The following SLC16A2 variants were observed in gnomAD, a reference collection of about 807,000 sequenced individuals.
SLC16A2 encodes monocarboxylate transporter 8.
SLC16A2 carries 3 observed loss-of-function variants against 27.2 expected under a neutral mutation model. That is an observed-to-expected ratio of 0.11 (90% CI 0.05 to 0.28). The LOEUF (loss-of-function observed/expected upper bound fraction) is 0.28, where lower values mean the gene tolerates loss of function less well. SLC16A2 is among the 10% of genes least tolerant of loss of function. The probability of loss-of-function intolerance (pLI) is 1.00; values close to 1 mark genes in which losing one functional copy is unlikely to be tolerated. For synonymous variants in SLC16A2, 202 were observed against 187.8 expected (o/e 1.08, Z -0.62); for missense variants, 295 against 458.5 (o/e 0.64, Z 3.26).
intron 1 of SLC16A2, among the ~76,000 whole-genome samples, chrX:74,440,522 CTTTT>C (rs34468845): frequency 2.9e-5 from 2 of 70,003 alleles, no homozygotes; most frequent in African/African-American, 6.2e-5. Context: ...ATATAAATTC[CTTTT>C]TTTTTTTTTT....
rs750947071 is a variant in SLC16A2 at position 74,463,265 on chromosome X, G to A, written c.430+41198G>A. Among the ~76,000 whole-genome samples the A allele has an allele frequency of 4.3e-4, 48 of 111,891 alleles. 1 individual carries two copies. The South Asian group carries it at 4.5e-3, about 10-fold the overall frequency. On this transcript the variant is annotated intron_variant, in intron 1 of 5. Coordinates refer to ENST00000587091, the MANE Select transcript of SLC16A2 (RefSeq NM_006517.5). ...TTCAGTGTAAAATTGCAATTGGAAA[G>A]GAAAGGGGGTTCCATGGATTTAGGA...
At chrX:74,500,604 G>C (rs1030067765) in intron 1 of SLC16A2, among the ~76,000 whole-genome samples, 1 of 111,149 alleles carries the variant, frequency 9.0e-6, no homozygotes. Context: ...TCATGCCTTT[G>C]TATCCTTATC....
chrX:74,468,682 T>C (rs1929297412), intron 1 of SLC16A2, among the ~76,000 whole-genome samples: 1 of 112,073 alleles, frequency 8.9e-6, no homozygotes. Flanking sequence ...AAAAAATATT[T>C]AATTTAATTT....
At chrX:74,523,702 C>T (rs985700503) in intron 2 of SLC16A2, among the ~76,000 whole-genome samples, 2 of 111,757 alleles carry the variant, frequency 1.8e-5, no homozygotes, top group African/African-American at 6.5e-5. Context: ...AAAGGCAGGA[C>T]TCTAAAAGTT....
intron 1 of SLC16A2, among the ~76,000 whole-genome samples, chrX:74,495,735 G>A (rs499857): frequency 7.2e-5 from 8 of 111,132 alleles, no homozygotes; most frequent in East Asian, 2.8e-4. Flanking sequence ...ATGGTTTCTG[G>A]TCTTAATTAC....
intron 1 of SLC16A2, among the ~76,000 whole-genome samples, chrX:74,426,176 A>G (rs1001885992): frequency 2.7e-5 from 3 of 111,739 alleles, no homozygotes; most frequent in Admixed American, 9.5e-5. Flanking sequence ...AGCAAAGTGT[A>G]TTTTGAGCAA....
intron 1 of SLC16A2, among the ~76,000 whole-genome samples, chrX:74,447,322 T>A (rs901566749): frequency 9.0e-6 from 1 of 111,555 alleles, no homozygotes; most frequent in Non-Finnish European, 1.9e-5. Context: ...GCCCACTAAC[T>A]CCCTGTGTGA....
intron 1 of SLC16A2, among the ~76,000 whole-genome samples, chrX:74,507,804 C>T (rs988557318): frequency 1.8e-5 from 2 of 112,088 alleles, no homozygotes; most frequent in Non-Finnish European, 3.8e-5. Context: ...CACAGAAAGT[C>T]AAATACCAAA....
rs1930581193 is a variant in SLC16A2 at position 74,532,216 on chromosome X, T to A, written c.*663T>A. The stretch of plus-strand genomic sequence containing the variant: ...TGTATGACTGTCATAGACACATGGG[T>A]GCTTGAAGAAAGGAGGGACCCGGAA... On this transcript the variant is annotated 3_prime_UTR_variant, in exon 6 of 6. Transcript: ENST00000587091. The A allele has an allele frequency of 8.8e-6, 1 of 114,078 alleles. No individual in the cohort carries two copies. Among genetic ancestry groups the A allele is most frequent in the African/African-American group, 3.3e-5 (1 of 30,499 alleles). 9.4% of individuals were successfully genotyped at this position (114,078 alleles called of 1,213,427 possible). A position where few individuals can be genotyped will look rare whatever the true frequency, so the allele number is the denominator to read the frequency against.
At chrX:74,429,919 T>G (rs968611909) in intron 1 of SLC16A2, among the ~76,000 whole-genome samples, 2 of 111,655 alleles carry the variant, frequency 1.8e-5, no homozygotes, top group African/African-American at 6.5e-5. Context: ...AGAGATGACT[T>G]CTTATAAGCC....
rs909611453 is a variant in SLC16A2, at chrX:74,478,312, C to T, written c.431-42678C>T. Among the ~76,000 whole-genome samples, 6 of 111,180 alleles carry T rather than the reference C, an allele frequency of 5.4e-5. No homozygotes were observed. In the Admixed American group the frequency reaches 5.8e-4, roughly 11 times the overall value. The stretch of plus-strand genomic sequence containing the variant: ...TTATCAGAGACCAGGATTGCAACCC[C>T]TGCCTTTTTTTTGTTTTCCATTTGC... On this transcript the variant is annotated intron_variant, in intron 1 of 5. Transcript: ENST00000587091.
chrX:74,507,923 C>T (rs975810500), intron 1 of SLC16A2, among the ~76,000 whole-genome samples: 1 of 112,014 alleles, frequency 8.9e-6, no homozygotes, highest in African/African-American at 3.2e-5. Flanking sequence ...GATTCAATAT[C>T]TTGGCCGTTG....
chrX:74,501,164 T>C (rs1175189072), intron 1 of SLC16A2, among the ~76,000 whole-genome samples: 4 of 110,693 alleles, frequency 3.6e-5, no homozygotes, highest in Non-Finnish European at 7.6e-5. Context: ...GTTTGAAAGG[T>C]TTTAGTTACC....
chrX:74,496,562 G>T (rs1929940390), intron 1 of SLC16A2, among the ~76,000 whole-genome samples: 1 of 112,076 alleles, frequency 8.9e-6, no homozygotes, highest in Non-Finnish European at 1.9e-5. Context: ...AGTAAGCCAG[G>T]GAACTGTGGG....
chrX:74,532,434 T>C lies in SLC16A2; in HGVS notation c.*881T>C, dbSNP rs1930585788. The stretch of plus-strand genomic sequence containing the variant: ...TGTTCCAGTCACTGATTTTTACAAA[T>C]CTTACAGTCCAAGGCATTAACCTCA... On this transcript the variant is annotated 3_prime_UTR_variant, in exon 6 of 6. Coordinates refer to ENST00000587091, the MANE Select transcript of SLC16A2 (RefSeq NM_006517.5). 8.9e-6 allele frequency: 1 copy of C among 112,254 alleles called. No homozygotes were observed. The highest frequency in any genetic ancestry group is 3.3e-5 in the African/African-American group (1 of 30,735). The allele number at this position is 112,254 out of a possible 1,213,427, so 9.3% of individuals were successfully genotyped here.
chrX:74,484,464 G>A (rs893420898), intron 1 of SLC16A2, among the ~76,000 whole-genome samples: 9 of 111,996 alleles, frequency 8.0e-5, no homozygotes, highest in East Asian at 2.8e-4. Context: ...TTTATTGTGC[G>A]GAGGAAGCTT....
At chrX:74,489,542 C>G (rs1929784190) in intron 1 of SLC16A2, among the ~76,000 whole-genome samples, 1 of 112,029 alleles carries the variant, frequency 8.9e-6, no homozygotes. Context: ...GTGATGTGAA[C>G]TTCAAAAAGC....
chrX:74,440,510 G>GAATATA (rs1432520653), intron 1 of SLC16A2, among the ~76,000 whole-genome samples: 5 of 94,613 alleles, frequency 5.3e-5, no homozygotes, highest in African/African-American at 1.6e-4. Flanking sequence ...TGTTTACTCT[G>GAATATA]AATATAAATT....
intron 1 of SLC16A2, among the ~76,000 whole-genome samples, chrX:74,475,881 T>A (rs1199004032): frequency 8.9e-6 from 1 of 111,935 alleles, no homozygotes; most frequent in Non-Finnish European, 1.9e-5. Flanking sequence ...TTGGTTACTG[T>A]AGCCCTGTAG....
Sources: gnomAD v4.1 joint callset for allele counts (sites outside exome capture counted in the v4.1 genomes callset) on GRCh38, gnomAD v4.1.1 for gene constraint, MANE v1.5 for transcripts, NCBI Gene and HGNC (gene_info 2026-07-23, HGNC 2026-07-21) for gene names.